The following SIPA1L3 variants were observed in gnomAD, a reference collection of about 807,000 sequenced individuals.
SIPA1L3 encodes signal-induced proliferation-associated 1-like protein 3.
Under a neutral mutation model 150.1 loss-of-function variants are expected in SIPA1L3, and 59 were observed. The observed-to-expected ratio is 0.39, with a 90% CI of 0.32 to 0.49. SIPA1L3 has a LOEUF of 0.49. SIPA1L3 is among the 20% of genes least tolerant of loss of function. The probability of loss-of-function intolerance (pLI) is 0.86; values close to 1 mark genes in which losing one functional copy is unlikely to be tolerated. For missense variants in SIPA1L3, 2,211 were observed against 2,489.5 expected, an observed-to-expected ratio of 0.89 and a Z score of 2.38; for synonymous variants, 1,070 against 1,077.6, an observed-to-expected ratio of 0.99 and a Z score of 0.14.
intron 1 of SIPA1L3, among the ~76,000 whole-genome samples, chr19:37,980,551 C>T (rs1432957396): frequency 6.6e-6 from 1 of 152,170 alleles, no homozygotes; most frequent in African/African-American, 2.4e-5. Flanking sequence ...GAACAGCATG[C>T]TTCCAGGTTC....
Position 38,110,340 on chromosome 19 carries a change from C to T in SIPA1L3, c.2247C>T (p.Ile749=), listed in dbSNP as rs777238144. The part of the protein sequence containing the change: ...NIRSHFQHVF[I]IVRVHNPCTD... Reference sequence around the variant, plus strand: ...GCTCCCACTTCCAGCACGTCTTCATCATTGTCCGAGTCCACAACCCCTGCA... The same window carrying T: ...GCTCCCACTTCCAGCACGTCTTCATTATTGTCCGAGTCCACAACCCCTGCA... The change falls in exon 8 of 22, where the codon ATC becomes ATT. Residue 749 remains isoleucine, a synonymous_variant. Transcript: ENST00000222345. The T allele has an allele frequency of 6.2e-7, 1 of 1,614,138 alleles. No homozygotes were observed. Among genetic ancestry groups the T allele is most frequent in the South Asian group, 1.1e-5 (1 of 91,070 alleles).
intron 3 of SIPA1L3, among the ~76,000 whole-genome samples, chr19:38,086,332 TA>T (rs564216584): frequency 6.1e-5 from 9 of 148,146 alleles, no homozygotes; most frequent in African/African-American, 7.4e-5. Flanking sequence ...CCTGGAGCTT[TA>T]AAAAAAAAAG....
chr19:38,195,485 T>C lies in SIPA1L3; in HGVS notation c.4840+1705T>C, dbSNP rs113047570. Among the ~76,000 whole-genome samples, 323 of 152,146 alleles carry C rather than the reference T, an allele frequency of 2.1e-3. 2 individuals are homozygous for C. The highest frequency in any genetic ancestry group is 6.7e-3 in the African/African-American group (280 of 41,498). ...CCCTGCCCTCACAGGGCTGCCACTT[T>C]AGTGGAAATTTCCCTGCTCCCCAGG... On this transcript the variant is annotated intron_variant, in intron 18 of 21. Transcript: ENST00000222345.
chr19:38,130,339 T>G (rs1568566249), intron 9 of SIPA1L3, among the ~76,000 whole-genome samples, 159 bp from the exon 10 acceptor site: 1 of 152,134 alleles, frequency 6.6e-6, no homozygotes, highest in Non-Finnish European at 1.5e-5. Flanking sequence ...TGGGACCGGG[T>G]GCGTGTTCCC....
chr19:38,141,456 C>T (rs776782390), intron 11 of SIPA1L3, 21 bp downstream of exon 11: 3 of 1,596,080 alleles, frequency 1.9e-6, no homozygotes, highest in Non-Finnish European at 2.6e-6. Flanking sequence ...GCTGGGGGGA[C>T]CAATACTTCC....
intron 2 of SIPA1L3, among the ~76,000 whole-genome samples, chr19:38,078,681 C>T (rs1010632927): frequency 1.3e-5 from 2 of 152,174 alleles, no homozygotes; most frequent in Non-Finnish European, 2.9e-5. Context: ...AGAACGGCTG[C>T]ATCCAGCTCT....
At chr19:38,025,880 C>T (rs1478145296) in intron 1 of SIPA1L3, among the ~76,000 whole-genome samples, 2 of 152,178 alleles carry the variant, frequency 1.3e-5, no homozygotes, top group Non-Finnish European at 2.9e-5. Context: ...GAGGCCATTT[C>T]TGAGTGTTTT....
chr19:38,065,102 G>A (rs892666044), intron 2 of SIPA1L3, among the ~76,000 whole-genome samples: 8 of 152,198 alleles, frequency 5.3e-5, no homozygotes, highest in Non-Finnish European at 1.0e-4. Context: ...GTTATACCAG[G>A]TAGCAAAATT....
chr19:38,192,051 G>C, intron 16 of SIPA1L3, 94 bp from the exon 17 acceptor site: 1 of 1,179,310 alleles, frequency 8.5e-7, no homozygotes, highest in Admixed American at 2.4e-5. Flanking sequence ...GTGGCCATGC[G>C]TCCCGTGGTG....
At chr19:38,136,183 C>CAATAA (rs1971431093) in intron 10 of SIPA1L3, among the ~76,000 whole-genome samples, 1 of 44,118 alleles carries the variant, frequency 2.3e-5, no homozygotes, top group Non-Finnish European at 4.1e-5. Context: ...GAGACTGTCT[C>CAATAA]AAAAAAAAAA....
In SIPA1L3 at chr19:38,107,158, C is replaced by T. The variant is rs557906805; in HGVS notation, c.2133+518C>T. ...CAAAGCAAAGATACCTCCTAGCAGC[C>T]CTAGGCTCACATCCACCAGCTTAGC... is the stretch of plus-strand genomic sequence containing the variant. On this transcript the variant is annotated intron_variant, in intron 7 of 21. Transcript: ENST00000222345. 4.6e-5 allele frequency among the ~76,000 whole-genome samples: 7 copies of T among 152,332 alleles called. No homozygotes were observed. The South Asian group carries it at 1.0e-3, about 23-fold the overall frequency.
intron 2 of SIPA1L3, among the ~76,000 whole-genome samples, chr19:38,076,736 G>A (rs965067992): frequency 6.6e-6 from 1 of 152,166 alleles, no homozygotes; most frequent in African/African-American, 2.4e-5. Context: ...TGCCATCGAT[G>A]GAGATCTGCA....
At chr19:38,196,127 C>G (rs553035957) in intron 18 of SIPA1L3, among the ~76,000 whole-genome samples, 2 of 152,168 alleles carry the variant, frequency 1.3e-5, no homozygotes, top group Non-Finnish European at 2.9e-5. Flanking sequence ...TTCCCGGGCC[C>G]CATCCCAGAT....
intron 2 of SIPA1L3, among the ~76,000 whole-genome samples, chr19:38,062,618 ATTATTT>A (rs989979949): frequency 1.5e-5 from 2 of 129,450 alleles, no homozygotes; most frequent in Non-Finnish European, 3.2e-5. Flanking sequence ...TATTATTATT[ATTATTT>A]TTTTTTTTGA....
chr19:38,163,453 G>A (rs1481742644), intron 14 of SIPA1L3, among the ~76,000 whole-genome samples: 2 of 140,342 alleles, frequency 1.4e-5, no homozygotes, highest in Non-Finnish European at 3.0e-5. Context: ...TTGCACCACT[G>A]CACTCCAGCC....
chr19:38,014,184 G>A (rs141672619), intron 1 of SIPA1L3, among the ~76,000 whole-genome samples: 1 of 152,348 alleles, frequency 6.6e-6, no homozygotes, highest in African/African-American at 2.4e-5. Context: ...ATTCGTGCTG[G>A]TAAATGCTCA....
chr19:38,113,168 A>C (rs1356115099), intron 8 of SIPA1L3, among the ~76,000 whole-genome samples: 3 of 151,250 alleles, frequency 2.0e-5, no homozygotes. Context: ...CCAAGATTGC[A>C]CCACTGCACT....
At chr19:38,115,246 G>T (rs191306973) in intron 8 of SIPA1L3, among the ~76,000 whole-genome samples, 31 of 152,272 alleles carry the variant, frequency 2.0e-4, no homozygotes, top group African/African-American at 6.3e-4. Context: ...AAAGATGACA[G>T]CCACTGACAG....
intron 13 of SIPA1L3, 123 bp downstream of exon 13, chr19:38,153,090 T>A: frequency 3.1e-6 from 4 of 1,281,086 alleles, no homozygotes; most frequent in Non-Finnish European, 4.2e-6. Context: ...AAGAAAGCTG[T>A]AAGCGCCACA....
Sources: allele counts gnomAD v4.1 joint callset (sites outside exome capture counted in the v4.1 genomes callset), GRCh38; gene constraint gnomAD v4.1.1; transcripts MANE v1.5; gene names NCBI Gene and HGNC (gene_info 2026-07-23, HGNC 2026-07-21).